IPCEF1: variants seen among roughly 807,000 people sequenced by gnomAD.
The protein encoded by IPCEF1 is interactor protein for cytohesin exchange factors 1.
In IPCEF1, 31 loss-of-function variants were observed where a neutral mutation model predicts 50.9. That is an observed-to-expected ratio of 0.61 (90% CI 0.46 to 0.82). The LOEUF is 0.82. Ranked by LOEUF, IPCEF1 falls within the 40% of genes least tolerant of loss-of-function variation. IPCEF1 has a pLI of 0.00. For synonymous variants in IPCEF1, 181 were observed against 192.0 expected (o/e 0.94, Z 0.47); for missense variants, 458 against 514.0 (o/e 0.89, Z 1.05).
intron 5 of IPCEF1, among the ~76,000 whole-genome samples, chr6:154,242,934 G>A (rs1780715396): frequency 6.6e-6 from 1 of 152,074 alleles, no homozygotes; most frequent in Non-Finnish European, 1.5e-5. Flanking sequence ...GCAGAGAGAG[G>A]AAGCCAAATT....
intron 1 of IPCEF1, among the ~76,000 whole-genome samples, chr6:154,290,476 C>T (rs1234651128): frequency 6.6e-6 from 1 of 152,106 alleles, no homozygotes. Context: ...TCCTTTTGTT[C>T]TTGCTCTAAA....
intron 1 of IPCEF1, among the ~76,000 whole-genome samples, chr6:154,312,116 A>G (rs1783093005): frequency 6.6e-6 from 1 of 152,244 alleles, no homozygotes; most frequent in Admixed American, 6.5e-5. Context: ...GCACAATAGA[A>G]TACACTTAAA....
chr6:154,167,157 C>A (rs1799505983), intron 11 of IPCEF1, among the ~76,000 whole-genome samples: 1 of 152,192 alleles, frequency 6.6e-6, no homozygotes, highest in Admixed American at 6.5e-5. Flanking sequence ...CAGAATCTAT[C>A]AAAGCTTTTC....
chr6:154,266,585 T>TATATATATATATACAC (rs71021035), intron 2 of IPCEF1, among the ~76,000 whole-genome samples: 7 of 135,688 alleles, frequency 5.2e-5, no homozygotes, highest in African/African-American at 1.9e-4. Context: ...TATATATATA[T>TATATATATATATACAC]ACACACAAAC....
intron 10 of IPCEF1, among the ~76,000 whole-genome samples, chr6:154,176,920 T>C (rs1262722865): frequency 2.6e-5 from 4 of 152,076 alleles, no homozygotes; most frequent in Admixed American, 2.6e-4. Flanking sequence ...CAAAACAGCA[T>C]GACACTGGTA....
chr6:154,303,912 C>T (rs9479811), intron 1 of IPCEF1, among the ~76,000 whole-genome samples: 135 of 151,798 alleles, frequency 8.9e-4, no homozygotes, highest in Middle Eastern at 3.4e-3. Flanking sequence ...GAGAGCAAGA[C>T]GTCTCAAATA....
chr6:154,198,221 T>C (rs535771384), intron 10 of IPCEF1, among the ~76,000 whole-genome samples: 1 of 152,322 alleles, frequency 6.6e-6, no homozygotes, highest in Non-Finnish European at 1.5e-5. Context: ...CCTTTTGACT[T>C]GCACCATTGA....
At chr6:154,173,432 T>G (rs561521471) in intron 10 of IPCEF1, among the ~76,000 whole-genome samples, 1 of 152,132 alleles carries the variant, frequency 6.6e-6, no homozygotes, top group Admixed American at 6.6e-5. Context: ...AAAAAAAGAT[T>G]AGATGAATGA....
At chr6:154,308,409 G>A (rs1315063628) in intron 1 of IPCEF1, among the ~76,000 whole-genome samples, 6 of 152,108 alleles carry the variant, frequency 3.9e-5, no homozygotes, top group Non-Finnish European at 5.9e-5. Context: ...TTACAGGCTT[G>A]AGCCACCACA....
chr6:154,160,576 C>T (rs1486364472), intron 11 of IPCEF1, among the ~76,000 whole-genome samples: 2 of 152,106 alleles, frequency 1.3e-5, no homozygotes, highest in African/African-American at 4.8e-5. Context: ...GGCTACTAAC[C>T]TTCCATCAAA....
At chr6:154,209,927 C>A (rs745701914) in intron 9 of IPCEF1, among the ~76,000 whole-genome samples, 6 of 152,142 alleles carry the variant, frequency 3.9e-5, no homozygotes, top group Non-Finnish European at 8.8e-5. Flanking sequence ...CTTAGAACTT[C>A]TAAAAAATAA....
At chr6:154,189,175 T>A (rs1225777785) in intron 10 of IPCEF1, among the ~76,000 whole-genome samples, 1 of 152,222 alleles carries the variant, frequency 6.6e-6, no homozygotes, top group African/African-American at 2.4e-5. Flanking sequence ...ATAAACACTC[T>A]TAGATGTGCT....
chr6:154,309,696 GT>G (rs1313738341), intron 1 of IPCEF1, among the ~76,000 whole-genome samples: 1 of 150,846 alleles, frequency 6.6e-6, no homozygotes, highest in East Asian at 1.9e-4. Context: ...CACAATCTTT[GT>G]GAAATTCTAC....
intron 1 of IPCEF1, among the ~76,000 whole-genome samples, chr6:154,339,842 C>A (rs547166720): frequency 5.1e-4 from 77 of 152,054 alleles, no homozygotes; most frequent in African/African-American, 1.8e-3. Flanking sequence ...AAGCGAGCCA[C>A]CCCCCTCACC....
chr6:154,339,437 ATT>A (rs201885601), intron 1 of IPCEF1, among the ~76,000 whole-genome samples: 7 of 143,268 alleles, frequency 4.9e-5, no homozygotes, highest in African/African-American at 5.1e-5. Flanking sequence ...TTAATCTTTA[ATT>A]TTTTTTTTTT....
At chr6:154,289,436 T>C (rs1255372148) in intron 2 of IPCEF1, among the ~76,000 whole-genome samples, 1 of 150,520 alleles carries the variant, frequency 6.6e-6, no homozygotes. Context: ...TCGTGGTATA[T>C]TCCTTACTCT....
Position 154,160,060 on chromosome 6 carries a change from G to T in IPCEF1, c.1105-20C>A. ...TTTACACTGTGTGAGTAGAAAAAAA[G>T]GGGAAGGGGGTATGTTGAGAGTGTC... is the stretch of plus-strand genomic sequence containing the variant. On this transcript the variant is annotated intron_variant, in intron 11 of 11. Transcript: ENST00000367220. The T allele has an allele frequency of 6.4e-7, 1 of 1,571,018 alleles. No homozygotes were observed. The highest frequency in any genetic ancestry group is 8.7e-7 in the Non-Finnish European group (1 of 1,146,972).
intron 1 of IPCEF1, among the ~76,000 whole-genome samples, chr6:154,328,332 G>T (rs567134241): frequency 6.6e-6 from 1 of 152,224 alleles, no homozygotes; most frequent in African/African-American, 2.4e-5. Flanking sequence ...GTCAAAAAAG[G>T]GATCCTTGGC....
intron 10 of IPCEF1, among the ~76,000 whole-genome samples, chr6:154,181,515 T>G (rs1385665038): frequency 6.6e-6 from 1 of 152,234 alleles, no homozygotes; most frequent in African/African-American, 2.4e-5. Flanking sequence ...AATATATATA[T>G]TTGATGCGTT....
Sources: gnomAD v4.1 joint callset for allele counts (sites outside exome capture counted in the v4.1 genomes callset) on GRCh38, gnomAD v4.1.1 for gene constraint, MANE v1.5 for transcripts, NCBI Gene and HGNC (gene_info 2026-07-23, HGNC 2026-07-21) for gene names.